The following VAT1L variants were observed in gnomAD, a reference collection of about 807,000 sequenced individuals.
VAT1L encodes vesicle amine transport 1 like, also known as putative NADPH-dependent quinone oxidoreductase VAT1L.
A neutral mutation model predicts 44.1 loss-of-function variants in VAT1L; 34 were observed. The observed-to-expected ratio is 0.77, with a 90% CI of 0.59 to 1.03. The LOEUF (loss-of-function observed/expected upper bound fraction) is 1.03, where lower values mean the gene tolerates loss of function less well. Ranked by LOEUF, VAT1L falls within the 50% of genes least tolerant of loss-of-function variation. The probability of loss-of-function intolerance (pLI) is 0.00; values close to 1 mark genes in which losing one functional copy is unlikely to be tolerated. For synonymous variants in VAT1L, 253 were observed against 202.2 expected, an observed-to-expected ratio of 1.25 and a Z score of -2.13; for missense variants, 615 against 538.8, an observed-to-expected ratio of 1.14 and a Z score of -1.40.
In VAT1L at chr16:77,805,916, G is replaced by A. The variant is rs1342920618; in HGVS notation, c.234-11005G>A. On this transcript the variant is annotated intron_variant, in intron 1 of 8. Coordinates refer to ENST00000302536, the MANE Select transcript of VAT1L (RefSeq NM_020927.3). ...CTTGCCCTGTGGCCCAGGCTGGAGA[G>A]CAATGGTGAGATCTCAGATCACTGC... Among the ~76,000 whole-genome samples the A allele has an allele frequency of 3.2e-5, 4 of 125,914 alleles. No individual in the cohort carries two copies. In the South Asian group the frequency reaches 8.0e-4, roughly 25 times the overall value. 82.6% of individuals were successfully genotyped at this position (125,914 alleles called of 152,430 possible). A position where few individuals can be genotyped will look rare whatever the true frequency, so the allele number is the denominator to read the frequency against.
intron 8 of VAT1L, 67 bp from the exon 9 acceptor site, chr16:77,977,530 G>C (rs2018353925): frequency 1.7e-5 from 26 of 1,534,478 alleles, no homozygotes; most frequent in Non-Finnish European, 2.2e-5. Context: ...ATAGGACTCT[G>C]TCAGATGCTC....
chr16:77,815,331 A>C (rs1352029698), intron 1 of VAT1L, among the ~76,000 whole-genome samples: 1 of 152,240 alleles, frequency 6.6e-6, no homozygotes, highest in African/African-American at 2.4e-5. Context: ...CTATTCCTTC[A>C]TTCAGCAGAT....
At chr16:77,814,741 GTTAT>G (rs1332490352) in intron 1 of VAT1L, among the ~76,000 whole-genome samples, 1 of 152,170 alleles carries the variant, frequency 6.6e-6, no homozygotes, top group Non-Finnish European at 1.5e-5. Context: ...ACAGTGATGC[GTTAT>G]TTATTTGATT....
chr16:77,875,518 A>G (rs977139196), intron 4 of VAT1L, among the ~76,000 whole-genome samples: 3 of 152,336 alleles, frequency 2.0e-5, no homozygotes, highest in African/African-American at 7.2e-5. Flanking sequence ...CACAATCTCC[A>G]GAGTCTTCCT....
At chr16:77,862,385 C>T (rs1420686075) in intron 3 of VAT1L, among the ~76,000 whole-genome samples, 3 of 152,066 alleles carry the variant, frequency 2.0e-5, no homozygotes, top group Non-Finnish European at 4.4e-5. Context: ...GAGGCTGAGG[C>T]GGGTGGATTA....
intron 1 of VAT1L, among the ~76,000 whole-genome samples, chr16:77,809,155 T>G (rs936668674): frequency 2.0e-5 from 3 of 152,260 alleles, no homozygotes; most frequent in African/African-American, 7.2e-5. Flanking sequence ...ACCAACATTT[T>G]GTAAACCTTA....
chr16:77,866,485 T>C (rs997749611), intron 4 of VAT1L, among the ~76,000 whole-genome samples: 3 of 151,928 alleles, frequency 2.0e-5, no homozygotes, highest in Admixed American at 6.6e-5. Context: ...TCGGTGCATG[T>C]AGACTTAAAA....
At chr16:77,896,533 G>GGGCAT (rs1286192736) in intron 7 of VAT1L, among the ~76,000 whole-genome samples, 1 of 152,212 alleles carries the variant, frequency 6.6e-6, no homozygotes, top group Admixed American at 6.5e-5. Context: ...TGTCATTACA[G>GGGCAT]GGCATTGCAA....
intron 7 of VAT1L, among the ~76,000 whole-genome samples, chr16:77,911,048 C>G (rs1179367373): frequency 6.6e-6 from 1 of 152,196 alleles, no homozygotes; most frequent in Non-Finnish European, 1.5e-5. Flanking sequence ...TACATGCAAA[C>G]ATTTACTATC....
At chr16:77,954,369 G>C (rs1467396405) in intron 7 of VAT1L, among the ~76,000 whole-genome samples, 1 of 152,194 alleles carries the variant, frequency 6.6e-6, no homozygotes, top group Non-Finnish European at 1.5e-5. Flanking sequence ...GCTCACGCCT[G>C]TAATCCCAGC....
At chr16:77,912,527 C>T (rs2017509572) in intron 7 of VAT1L, among the ~76,000 whole-genome samples, 2 of 152,076 alleles carry the variant, frequency 1.3e-5, no homozygotes, top group Admixed American at 1.3e-4. Context: ...AAGCGGTCCT[C>T]CCTCCTTGGC....
chr16:77,922,096 C>G (rs1377038474), intron 7 of VAT1L, among the ~76,000 whole-genome samples: 1 of 151,954 alleles, frequency 6.6e-6, no homozygotes, highest in East Asian at 1.9e-4. Context: ...CCTACTGAGA[C>G]AAGTTACTTT....
At chr16:77,865,758 T>C (rs2016967275) in intron 4 of VAT1L, among the ~76,000 whole-genome samples, 1 of 152,180 alleles carries the variant, frequency 6.6e-6, no homozygotes, top group South Asian at 2.1e-4. Flanking sequence ...CAGGAAAAGC[T>C]TGCTGAACTT....
At position 77,879,145 on chromosome 16, in the gene VAT1L, A is replaced by T; in HGVS notation, c.827-24A>T. On this transcript the variant is annotated intron_variant, in intron 5 of 8. Transcript: ENST00000302536. This position sits in a 1 kb window ranked among gnomAD's most constrained non-coding sequence, Gnocchi z 4.1. The stretch of plus-strand genomic sequence containing the variant: ...TGTCCATTTTCATTAGCAATTGCTT[A>T]ATGTGGGAATCTTTCATTTTCAGGC... The T allele has an allele frequency of 6.2e-7, 1 of 1,613,522 alleles. No individual in the cohort carries two copies.
intron 7 of VAT1L, among the ~76,000 whole-genome samples, chr16:77,947,318 G>T (rs903008809): frequency 1.1e-4 from 16 of 152,136 alleles, no homozygotes; most frequent in African/African-American, 3.6e-4. Flanking sequence ...GAAAGCATAG[G>T]TCATTTTAGG....
At chr16:77,947,726 T>C (rs968769223) in intron 7 of VAT1L, among the ~76,000 whole-genome samples, 35 of 152,196 alleles carry the variant, frequency 2.3e-4, no homozygotes, top group African/African-American at 8.2e-4. Flanking sequence ...CTTGCCTGAG[T>C]GTATGCAGTT....
chr16:77,838,179 C>G (rs1435478124), intron 3 of VAT1L, among the ~76,000 whole-genome samples: 2 of 152,200 alleles, frequency 1.3e-5, no homozygotes, highest in African/African-American at 2.4e-5. Flanking sequence ...GCTGAGAACT[C>G]CAAACACAGG....
At chr16:77,889,572 G>A (rs1399742990) in intron 7 of VAT1L, among the ~76,000 whole-genome samples, 1 of 152,154 alleles carries the variant, frequency 6.6e-6, no homozygotes, top group Non-Finnish European at 1.5e-5. Context: ...CCAAGCAGCA[G>A]TAACATTGCT....
At chr16:77,934,312 C>A (rs898624074) in intron 7 of VAT1L, among the ~76,000 whole-genome samples, 2 of 152,084 alleles carry the variant, frequency 1.3e-5, no homozygotes, top group African/African-American at 4.8e-5. Context: ...ATGCTCCCCA[C>A]ACCCCCAAGA....
Sources: gnomAD v4.1 joint callset for allele counts (sites outside exome capture counted in the v4.1 genomes callset) on GRCh38, gnomAD v4.1.1 for gene constraint, Gnocchi (gnomAD v3.1) non-coding constraint, MANE v1.5 for transcripts, NCBI Gene and HGNC (gene_info 2026-07-23, HGNC 2026-07-21) for gene names.